CA10: variants seen among roughly 807,000 people sequenced by gnomAD.
CA10 encodes carbonic anhydrase 10 (inactive).
CA10 carries 14 observed loss-of-function variants against 44.2 expected under a neutral mutation model. The observed-to-expected ratio is 0.32, with a 90% confidence interval of 0.21 to 0.50. The LOEUF (loss-of-function observed/expected upper bound fraction) is 0.50, where lower values mean the gene tolerates loss of function less well. Among genes scored for constraint, CA10 ranks in the 20% least tolerant of loss-of-function variants. The pLI is 0.99. For synonymous variants in CA10, 159 were observed against 141.6 expected, an observed-to-expected ratio of 1.12 and a Z score of -0.87; for missense variants, 350 against 409.7, an observed-to-expected ratio of 0.85 and a Z score of 1.26.
chr17:52,056,026 A>T (rs994450427), intron 2 of CA10, among the ~76,000 whole-genome samples: 2 of 152,080 alleles, frequency 1.3e-5, no homozygotes, highest in African/African-American at 4.8e-5. Context: ...ATTTTGTAGT[A>T]GTTCACATAA....
intron 3 of CA10, among the ~76,000 whole-genome samples, chr17:51,793,750 T>A (rs1178470095): frequency 6.6e-6 from 1 of 152,228 alleles, no homozygotes; most frequent in Non-Finnish European, 1.5e-5. Flanking sequence ...TTCCCTTGTG[T>A]CTTTCAGACA....
intron 2 of CA10, among the ~76,000 whole-genome samples, chr17:52,018,934 CTA>C (rs1422321758): frequency 6.6e-6 from 1 of 152,028 alleles, no homozygotes; most frequent in African/African-American, 2.4e-5. Flanking sequence ...AGTTCTCACT[CTA>C]TGAGTTCACA....
chr17:51,870,535 T>G (rs2016799836), intron 3 of CA10, among the ~76,000 whole-genome samples: 1 of 152,180 alleles, frequency 6.6e-6, no homozygotes, highest in East Asian at 1.9e-4. Context: ...ATAAAAGCTA[T>G]GAAATAAATC....
At chr17:52,077,388 A>AC (rs1962074025) in intron 1 of CA10, among the ~76,000 whole-genome samples, 1 of 152,178 alleles carries the variant, frequency 6.6e-6, no homozygotes, top group Non-Finnish European at 1.5e-5. Context: ...ATAAAGGGCG[A>AC]CATAATACAT....
At chr17:51,837,678 T>A (rs115034817) in intron 3 of CA10, among the ~76,000 whole-genome samples, 285 of 152,330 alleles carry the variant, frequency 1.9e-3, no homozygotes, top group African/African-American at 6.7e-3. Flanking sequence ...CATGATCAAA[T>A]GTGAAAATGT....
At chr17:51,662,876 C>T (rs9901630) in intron 4 of CA10, among the ~76,000 whole-genome samples, 3 of 152,050 alleles carry the variant, frequency 2.0e-5, no homozygotes, top group Admixed American at 6.6e-5. Context: ...AAAGATAACA[C>T]AACTTGGATT....
At chr17:52,037,786 T>C (rs937825092) in intron 2 of CA10, among the ~76,000 whole-genome samples, 2 of 152,122 alleles carry the variant, frequency 1.3e-5, no homozygotes, top group Non-Finnish European at 2.9e-5. Context: ...CCTCTGTGCC[T>C]TTGGTCATCC....
At chr17:52,041,392 G>C (rs946044441) in intron 2 of CA10, among the ~76,000 whole-genome samples, 1 of 152,012 alleles carries the variant, frequency 6.6e-6, no homozygotes, top group Non-Finnish European at 1.5e-5. Context: ...GTAGACAAAA[G>C]CATGAGCATG....
chr17:51,643,909 C>T (rs1292011879), intron 6 of CA10, among the ~76,000 whole-genome samples: 4 of 152,188 alleles, frequency 2.6e-5, no homozygotes, highest in African/African-American at 9.7e-5. Flanking sequence ...TTAATATCTT[C>T]CTCTTACAGA....
At chr17:51,898,763 C>T (rs1234592319) in intron 3 of CA10, among the ~76,000 whole-genome samples, 1 of 152,036 alleles carries the variant, frequency 6.6e-6, no homozygotes, top group Non-Finnish European at 1.5e-5. Flanking sequence ...CAGTTTCTTT[C>T]TGGTTCATTC....
chr17:51,777,732 A>G (rs1282922603), intron 3 of CA10, among the ~76,000 whole-genome samples: 2 of 152,152 alleles, frequency 1.3e-5, no homozygotes, highest in African/African-American at 2.4e-5. Context: ...AGAGCTCAAG[A>G]CCAGCTTGGG....
intron 3 of CA10, among the ~76,000 whole-genome samples, chr17:51,877,930 G>T (rs1199966342): frequency 6.6e-6 from 1 of 151,802 alleles, no homozygotes; most frequent in Admixed American, 6.6e-5. Flanking sequence ...GGATCACAAG[G>T]TCAGGAGATT....
At chr17:51,782,212 A>T (rs1906090544) in intron 3 of CA10, among the ~76,000 whole-genome samples, 1 of 152,212 alleles carries the variant, frequency 6.6e-6, no homozygotes, top group Non-Finnish European at 1.5e-5. Context: ...TGTACTACTA[A>T]CTTGTTCTCA....
chr17:51,785,133 A>C lies in CA10; in HGVS notation c.280-37315T>G, dbSNP rs370178790. ...CATTCTTTTTTTATGGCTGAATAGC[A>C]CTCCATTGTGTATATGTACCACATT... On this transcript the variant is annotated intron_variant, in intron 3 of 8. Coordinates refer to ENST00000451037, the MANE Select transcript of CA10 (RefSeq NM_020178.5). Among the ~76,000 whole-genome samples, 45 of 152,116 alleles carry C rather than the reference A, an allele frequency of 3.0e-4. No individual in the cohort carries two copies. In the East Asian group the frequency reaches 3.1e-3, roughly 10 times the overall value.
chr17:51,840,601 T>G, intron 3 of CA10, among the ~76,000 whole-genome samples: 1 of 152,042 alleles, frequency 6.6e-6, no homozygotes, highest in Non-Finnish European at 1.5e-5. Flanking sequence ...CTTTCCTGTG[T>G]TTTTGACTCT....
intron 1 of CA10, among the ~76,000 whole-genome samples, chr17:52,084,050 C>G (rs1988052897): frequency 6.6e-6 from 1 of 152,090 alleles, no homozygotes; most frequent in Non-Finnish European, 1.5e-5. Flanking sequence ...ACTTAAAGAG[C>G]CTCTGAGGAC....
At chr17:51,869,942 T>C (rs1979727879) in intron 3 of CA10, among the ~76,000 whole-genome samples, 1 of 152,182 alleles carries the variant, frequency 6.6e-6, no homozygotes, top group African/African-American at 2.4e-5. Context: ...TCCCTGGCAA[T>C]ATCATGAACT....
At chr17:51,948,433 C>T (rs539253879) in intron 2 of CA10, among the ~76,000 whole-genome samples, 1 of 152,240 alleles carries the variant, frequency 6.6e-6, no homozygotes, top group African/African-American at 2.4e-5. Context: ...TCATCATAAC[C>T]CCTTGGACAC....
intron 1 of CA10, among the ~76,000 whole-genome samples, chr17:52,103,095 A>G (rs997043144): frequency 1.3e-5 from 2 of 152,164 alleles, no homozygotes; most frequent in Non-Finnish European, 2.9e-5. Context: ...GAGATTTTGA[A>G]ACTACAAAGA....
Sources: gnomAD v4.1 joint callset for allele counts (sites outside exome capture counted in the v4.1 genomes callset) on GRCh38, gnomAD v4.1.1 for gene constraint, MANE v1.5 for transcripts, NCBI Gene and HGNC (gene_info 2026-07-23, HGNC 2026-07-21) for gene names.